The following SLC24A2 variants were observed in gnomAD, a reference collection of about 807,000 sequenced individuals.
SLC24A2 encodes the protein sodium/potassium/calcium exchanger 2.
A neutral mutation model predicts 62.0 loss-of-function variants in SLC24A2; 36 were observed. The ratio of observed to expected loss-of-function variants is 0.58; its 90% CI spans 0.44 to 0.77. The LOEUF (loss-of-function observed/expected upper bound fraction) is 0.77. SLC24A2 is among the 30% of genes least tolerant of loss of function. SLC24A2 has a pLI of 0.00. For synonymous variants in SLC24A2, 358 were observed against 294.0 expected (o/e 1.22, Z -2.23); for missense variants, 846 against 817.9 (o/e 1.03, Z -0.42).
At chr9:19,951,252 G>T in the SLC24A2 span, among the ~76,000 whole-genome samples, 2 of 147,768 alleles carry the variant, frequency 1.4e-5, no homozygotes, top group African/African-American at 2.5e-5. Context: ...GTGTGTGTGT[G>T]TGTGTGTGTG....
At chr9:19,571,464 G>T (rs182059107) in intron 7 of SLC24A2, among the ~76,000 whole-genome samples, 2 of 152,176 alleles carry the variant, frequency 1.3e-5, no homozygotes, top group Admixed American at 1.3e-4. Flanking sequence ...TCTATTTGCA[G>T]GCACTGTATC....
chr9:20,101,582 G>C, the SLC24A2 span, among the ~76,000 whole-genome samples: 1 of 152,130 alleles, frequency 6.6e-6, no homozygotes, highest in Non-Finnish European at 1.5e-5. Flanking sequence ...CCTCTTGGAA[G>C]ACTAAACTCA....
chr9:19,852,940 A>G, the SLC24A2 span, among the ~76,000 whole-genome samples: 1 of 152,126 alleles, frequency 6.6e-6, no homozygotes, highest in South Asian at 2.1e-4. Flanking sequence ...GATTCTTCCT[A>G]TCCATGAGCA....
At chr9:20,161,740 A>G in the SLC24A2 span, among the ~76,000 whole-genome samples, 5 of 140,020 alleles carry the variant, frequency 3.6e-5, no homozygotes, top group Admixed American at 3.9e-4. Flanking sequence ...GATTTATTTG[A>G]CATGAAAACA....
At chr9:19,951,753 G>T in the SLC24A2 span, among the ~76,000 whole-genome samples, 33 of 152,158 alleles carry the variant, frequency 2.2e-4, no homozygotes, top group African/African-American at 7.7e-4. Context: ...TGTAAATCAA[G>T]AAATTAGGTA....
chr9:20,304,690 G>T, the SLC24A2 span, among the ~76,000 whole-genome samples: 1 of 152,146 alleles, frequency 6.6e-6, no homozygotes, highest in African/African-American at 2.4e-5. Flanking sequence ...TTTGAATTAT[G>T]CTGGGTCTCC....
chr9:19,920,359 T>G, the SLC24A2 span, among the ~76,000 whole-genome samples: 2 of 152,216 alleles, frequency 1.3e-5, no homozygotes, highest in African/African-American at 4.8e-5. Flanking sequence ...TGCCAATGAT[T>G]AATTCATCAG....
the SLC24A2 span, among the ~76,000 whole-genome samples, chr9:19,889,908 C>T: frequency 7.9e-5 from 12 of 152,244 alleles, no homozygotes; most frequent in Admixed American, 3.3e-4. Context: ...TTCTTTCTAC[C>T]GACTATCTCT....
chr9:19,823,782 C>G, the SLC24A2 span, among the ~76,000 whole-genome samples: 1 of 152,144 alleles, frequency 6.6e-6, no homozygotes, highest in Non-Finnish European at 1.5e-5. Context: ...TACTACAAGG[C>G]TACAGTAACC....
At position 19,780,001 on chromosome 9, in the gene SLC24A2, G is replaced by T. The variant is rs988091195; in HGVS notation, c.930+5936C>A. Among the ~76,000 whole-genome samples the T allele has an allele frequency of 9.5e-4, 145 of 152,152 alleles. 1 individual carries two copies. Among genetic ancestry groups the T allele is most frequent in the Non-Finnish European group, 4.4e-5 (3 of 68,014 alleles). On this transcript the variant is annotated intron_variant, in intron 2 of 10. Transcript: ENST00000341998. ...GGCGTGAACCCGGGAGGTGGAGCTT[G>T]CAAGTGAGCCGAGATCGCACCACTG...
the SLC24A2 span, among the ~76,000 whole-genome samples, chr9:19,906,985 C>T: frequency 6.6e-6 from 1 of 152,202 alleles, no homozygotes; most frequent in Non-Finnish European, 1.5e-5. Flanking sequence ...ATGAGGCCAG[C>T]ATCATCCCGA....
intron 4 of SLC24A2, among the ~76,000 whole-genome samples, chr9:19,615,021 G>C (rs944932114): frequency 2.6e-5 from 4 of 151,914 alleles, no homozygotes; most frequent in African/African-American, 9.7e-5. Context: ...GGGGTGCTTT[G>C]TTACACATCA....
the SLC24A2 span, among the ~76,000 whole-genome samples, chr9:20,115,996 A>C: frequency 6.6e-6 from 1 of 152,200 alleles, no homozygotes; most frequent in Admixed American, 6.6e-5. Context: ...AATCTTAAGC[A>C]GCATTAAACA....
At chr9:20,179,277 C>G in the SLC24A2 span, among the ~76,000 whole-genome samples, 9 of 152,268 alleles carry the variant, frequency 5.9e-5, no homozygotes, top group East Asian at 1.7e-3. Flanking sequence ...GGGATGTCTT[C>G]AGGGCAAGGG....
intron 2 of SLC24A2, among the ~76,000 whole-genome samples, chr9:19,636,329 TTCTTTCTTTC>T (rs1818338041): frequency 4.1e-5 from 1 of 24,464 alleles, no homozygotes; most frequent in African/African-American, 1.8e-4. Flanking sequence ...CTTTCTTTCT[TTCTTTCTTTC>T]TTTCTTTCTT....
the SLC24A2 span, among the ~76,000 whole-genome samples, chr9:19,912,341 A>G: frequency 1.3e-5 from 2 of 152,144 alleles, no homozygotes; most frequent in South Asian, 4.1e-4. Flanking sequence ...TAGCATTTGA[A>G]TGTCCTGGAA....
chr9:19,764,946 T>A (rs1287067790), intron 2 of SLC24A2, among the ~76,000 whole-genome samples: 1 of 152,214 alleles, frequency 6.6e-6, no homozygotes, highest in Non-Finnish European at 1.5e-5. Context: ...TTTGTATGTC[T>A]CTAATAACTT....
At chr9:19,899,330 A>G in the SLC24A2 span, among the ~76,000 whole-genome samples, 2 of 152,198 alleles carry the variant, frequency 1.3e-5, no homozygotes, top group Non-Finnish European at 2.9e-5. Flanking sequence ...AACTGGATGG[A>G]AACTGGCTAT....
the SLC24A2 span, among the ~76,000 whole-genome samples, chr9:20,124,674 C>T: frequency 6.6e-6 from 1 of 152,150 alleles, no homozygotes; most frequent in Non-Finnish European, 1.5e-5. Flanking sequence ...ATCTGGTGCC[C>T]TATGCACTAG....
Sources: gnomAD v4.1 joint callset for allele counts (sites outside exome capture counted in the v4.1 genomes callset) on GRCh38, gnomAD v4.1.1 for gene constraint, MANE v1.5 for transcripts, NCBI Gene and HGNC (gene_info 2026-07-23, HGNC 2026-07-21) for gene names.